ZNF366: variants seen among roughly 807,000 people sequenced by gnomAD.
The protein encoded by ZNF366 is zinc finger protein 366, also known as dendritic cell-specific transcript protein.
A neutral mutation model predicts 47.2 loss-of-function variants in ZNF366; 20 were observed. The observed-to-expected ratio is 0.42, with a 90% CI of 0.30 to 0.62. The LOEUF (loss-of-function observed/expected upper bound fraction) is 0.62, where lower values mean the gene tolerates loss of function less well. Ranked by LOEUF, ZNF366 falls within the 20% of genes least tolerant of loss-of-function variation. ZNF366 has a pLI of 0.16. For synonymous variants in ZNF366, 421 were observed against 395.1 expected, an observed-to-expected ratio of 1.07 and a Z score of -0.78; for missense variants, 987 against 976.3, an observed-to-expected ratio of 1.01 and a Z score of -0.15.
At chr5:72,478,386 CAG>C (rs1285245327) in intron 1 of ZNF366, among the ~76,000 whole-genome samples, 3 of 151,484 alleles carry the variant, frequency 2.0e-5, no homozygotes, top group Non-Finnish European at 4.4e-5. Flanking sequence ...TCCTGCAACA[CAG>C]TGCCATTATT....
chr5:72,489,971 C>A (rs111305866), intron 1 of ZNF366, among the ~76,000 whole-genome samples: 1 of 152,206 alleles, frequency 6.6e-6, no homozygotes, highest in Non-Finnish European at 1.5e-5. Flanking sequence ...TCTTTTCTAG[C>A]AGGTTATCTG....
rs1376133680 is a variant in ZNF366, at chr5:72,440,124, A to G, written c.*3632T>C. 1 of 152,228 alleles carries G rather than the reference A, an allele frequency of 6.6e-6. No individual in the cohort carries two copies. The highest frequency in any genetic ancestry group is 1.9e-4 in the East Asian group (1 of 5,204). The allele number at this position is 152,228 out of a possible 1,614,324, so 9.4% of individuals were successfully genotyped here. A position where few individuals can be genotyped will look rare whatever the true frequency, so the allele number is the denominator to read the frequency against. ...AAGGATTTCAAACGTTAGCTCTGTT[A>G]TATTTTGTTCCAGCAAAGCAGACAA... On this transcript the variant is annotated 3_prime_UTR_variant, in exon 5 of 5. Transcript: ENST00000318442.
intron 2 of ZNF366, 108 bp from the exon 3 acceptor site, chr5:72,456,703 G>T (rs1462017523): frequency 2.6e-6 from 3 of 1,151,370 alleles, no homozygotes; most frequent in African/African-American, 3.0e-5. Flanking sequence ...AAAGAGCTTG[G>T]TGATAGATGT....
chr5:72,443,655 T>G lies in ZNF366; in HGVS notation c.*101A>C, dbSNP rs1742899751. ...TTTAGTCTAAGCCATTTGTAGAGAT[T>G]GGTACTATTCGCCAGTCTCCAGAAA... On this transcript the variant is annotated 3_prime_UTR_variant, in exon 5 of 5. Coordinates refer to ENST00000318442, the MANE Select transcript of ZNF366 (RefSeq NM_152625.3). 8 of 1,259,664 alleles carry G rather than the reference T, an allele frequency of 6.4e-6. No homozygotes were observed. The South Asian group carries it at 1.2e-4, about 19-fold the overall frequency. 78.0% of individuals were successfully genotyped at this position (1,259,664 alleles called of 1,614,324 possible).
chr5:72,497,498 T>C (rs1744138908), intron 1 of ZNF366, among the ~76,000 whole-genome samples: 1 of 152,176 alleles, frequency 6.6e-6, no homozygotes. Flanking sequence ...GTCTGCACAA[T>C]ATTCCATTGT....
At chr5:72,460,049 C>T in intron 2 of ZNF366, 116 bp downstream of exon 2, 1 of 1,401,598 alleles carries the variant, frequency 7.1e-7, no homozygotes, top group Non-Finnish European at 9.5e-7. Flanking sequence ...CCGGGGTTGC[C>T]CACCTCCTCG....
At chr5:72,477,327 T>G (rs1171800324) in intron 1 of ZNF366, among the ~76,000 whole-genome samples, 1 of 152,230 alleles carries the variant, frequency 6.6e-6, no homozygotes, top group African/African-American at 2.4e-5. Context: ...GTGGCACTGA[T>G]CCAAGCGTCT....
chr5:72,496,147 T>C (rs374813854), intron 1 of ZNF366, among the ~76,000 whole-genome samples: 3 of 152,146 alleles, frequency 2.0e-5, no homozygotes, highest in Non-Finnish European at 4.4e-5. Flanking sequence ...TGATATACAA[T>C]TCATATGTTT....
At chr5:72,444,317 G>T in intron 4 of ZNF366, 26 bp from the exon 5 acceptor site, 2 of 1,582,292 alleles carry the variant, frequency 1.3e-6, no homozygotes, top group Non-Finnish European at 1.7e-6. Context: ...AAGAATTCAT[G>T]CACCTGAGGA....
intron 1 of ZNF366, among the ~76,000 whole-genome samples, chr5:72,495,358 A>G (rs1345032010): frequency 6.6e-6 from 1 of 152,176 alleles, no homozygotes; most frequent in East Asian, 1.9e-4. Flanking sequence ...TATACCTGTC[A>G]TACAGATGAA....
intron 1 of ZNF366, among the ~76,000 whole-genome samples, chr5:72,483,927 A>G (rs907505646): frequency 2.0e-5 from 3 of 148,688 alleles, no homozygotes; most frequent in Admixed American, 2.0e-4. Context: ...AGATCTACTT[A>G]AAAAAAAAAC....
At chr5:72,493,244 T>C (rs1231447954) in intron 1 of ZNF366, among the ~76,000 whole-genome samples, 1 of 152,228 alleles carries the variant, frequency 6.6e-6, no homozygotes, top group East Asian at 1.9e-4. Flanking sequence ...TTGCTGAGTA[T>C]TTCCTATGTG....
chr5:72,466,195 CA>C (rs1405549397), intron 1 of ZNF366, among the ~76,000 whole-genome samples: 3 of 151,986 alleles, frequency 2.0e-5, no homozygotes, highest in Admixed American at 6.5e-5. Context: ...GAACCACGCT[CA>C]AAAAGGCTAT....
At chr5:72,501,621 C>G (rs1357035572) in intron 1 of ZNF366, among the ~76,000 whole-genome samples, 1 of 152,196 alleles carries the variant, frequency 6.6e-6, no homozygotes, top group Non-Finnish European at 1.5e-5. Context: ...GGTGTTTTGT[C>G]AATTCAGCCC....
In ZNF366 at chr5:72,443,014, C is replaced by T. The variant is rs1451459962; in HGVS notation, c.*742G>A. 1 of 152,262 alleles carries T rather than the reference C, an allele frequency of 6.6e-6. No homozygotes were observed. Among genetic ancestry groups the T allele is most frequent in the Non-Finnish European group, 1.5e-5 (1 of 68,102 alleles). 9.4% of individuals were successfully genotyped at this position (152,262 alleles called of 1,614,324 possible). A position where few individuals can be genotyped will look rare whatever the true frequency, so the allele number is the denominator to read the frequency against. ...CTCAGAGCAAGACAGCAATGGTCTC[C>T]AGGAGGGAGCCGTGCTCGAGAAGTG... On this transcript the variant is annotated 3_prime_UTR_variant, in exon 5 of 5. Transcript: ENST00000318442.
rs947460594 is a variant in ZNF366 at position 72,476,905 on chromosome 5, A to G, written c.-14-15395T>C. Among the ~76,000 whole-genome samples, 38 of 152,026 alleles carry G rather than the reference A, an allele frequency of 2.5e-4. 1 individual carries two copies. Among genetic ancestry groups the G allele is most frequent in the Non-Finnish European group, 2.9e-5 (2 of 68,002 alleles). On this transcript the variant is annotated intron_variant, in intron 1 of 4. Coordinates refer to ENST00000318442, the MANE Select transcript of ZNF366 (RefSeq NM_152625.3). The stretch of plus-strand genomic sequence containing the variant: ...CAGGATGCTTTCTCTCTGCATGACT[A>G]TGATACTTCTGAAAGGTCGGGCTGT...
intron 3 of ZNF366, among the ~76,000 whole-genome samples, 175 bp from the exon 4 acceptor site, chr5:72,447,592 G>A (rs964777567): frequency 2.6e-5 from 4 of 152,200 alleles, no homozygotes; most frequent in South Asian, 2.1e-4. Context: ...GCAAGTAGGG[G>A]TAGATTCATG....
intron 2 of ZNF366, 53 bp from the exon 3 acceptor site, chr5:72,456,648 A>T: frequency 6.6e-7 from 1 of 1,507,410 alleles, no homozygotes; most frequent in Non-Finnish European, 9.0e-7. Flanking sequence ...ACATGCTTTC[A>T]TCAGGATCAT....
chr5:72,465,977 A>G (rs922501815), intron 1 of ZNF366, among the ~76,000 whole-genome samples: 7 of 152,220 alleles, frequency 4.6e-5, no homozygotes, highest in Admixed American at 2.0e-4. Flanking sequence ...GTTAAACACT[A>G]GACAGTATGC....
Sources: gnomAD v4.1 joint callset for allele counts (sites outside exome capture counted in the v4.1 genomes callset) on GRCh38, gnomAD v4.1.1 for gene constraint, MANE v1.5 for transcripts, NCBI Gene and HGNC (gene_info 2026-07-23, HGNC 2026-07-21) for gene names.